The following TENM2 variants were observed in gnomAD, a reference collection of about 807,000 sequenced individuals.
TENM2 encodes the protein teneurin transmembrane protein 2, also known as teneurin-2.
A neutral mutation model predicts 245.2 loss-of-function variants in TENM2; 52 were observed. That is an observed-to-expected ratio of 0.21 (90% confidence interval 0.17 to 0.27). TENM2 has a LOEUF of 0.27. TENM2 is among the 10% of genes least tolerant of loss of function. The probability of loss-of-function intolerance (pLI) is 1.00; values close to 1 mark genes in which losing one functional copy is unlikely to be tolerated. For synonymous variants in TENM2, 1,363 were observed against 1,438.9 expected (o/e 0.95, Z 1.19); for missense variants, 3,046 against 3,666.8 (o/e 0.83, Z 4.37).
At chr5:167,111,554 C>T in the TENM2 span, among the ~76,000 whole-genome samples, 2 of 152,184 alleles carry the variant, frequency 1.3e-5, no homozygotes, top group African/African-American at 4.8e-5. Flanking sequence ...TTCTCCAAGT[C>T]CCTTCTCTAG....
At chr5:167,250,717 G>T in the TENM2 span, among the ~76,000 whole-genome samples, 7 of 152,122 alleles carry the variant, frequency 4.6e-5, no homozygotes, top group African/African-American at 1.7e-4. Context: ...GTCCTACTGA[G>T]ATGCTATTAT....
At chr5:167,302,540 G>C (rs1317671578) in intron 1 of TENM2, among the ~76,000 whole-genome samples, 1 of 151,918 alleles carries the variant, frequency 6.6e-6, no homozygotes, top group South Asian at 2.1e-4. Flanking sequence ...AAGGGATCAG[G>C]GTGCAGAGAT....
At chr5:167,090,894 A>G in the TENM2 span, among the ~76,000 whole-genome samples, 1 of 152,228 alleles carries the variant, frequency 6.6e-6, no homozygotes, top group South Asian at 2.1e-4. Flanking sequence ...CAGGCCCTTT[A>G]TAATGAAACC....
At chr5:167,702,006 A>C (rs553248509) in intron 2 of TENM2, among the ~76,000 whole-genome samples, 1 of 152,322 alleles carries the variant, frequency 6.6e-6, no homozygotes, top group South Asian at 2.1e-4. Context: ...CATCAGGCTT[A>C]TTCAATTCAA....
chr5:167,496,226 T>C (rs1768805415), intron 2 of TENM2, among the ~76,000 whole-genome samples: 1 of 152,092 alleles, frequency 6.6e-6, no homozygotes, highest in South Asian at 2.1e-4. Flanking sequence ...CCTCATTTAG[T>C]TCCCCGAACT....
intron 2 of TENM2, among the ~76,000 whole-genome samples, chr5:167,658,993 A>C (rs540620155): frequency 1.3e-5 from 2 of 152,354 alleles, no homozygotes; most frequent in African/African-American, 4.8e-5. Flanking sequence ...ATACATGCAC[A>C]GGCAAACATT....
chr5:167,458,486 C>CA (rs1466388818), intron 2 of TENM2, among the ~76,000 whole-genome samples: 371 of 35,222 alleles, frequency 0.011, no homozygotes, highest in Non-Finnish European at 0.02. Flanking sequence ...GACTCCGTCT[C>CA]AAAAAAACAA....
intron 2 of TENM2, among the ~76,000 whole-genome samples, chr5:167,545,240 C>T (rs576961143): frequency 9.2e-5 from 14 of 152,226 alleles, no homozygotes; most frequent in Non-Finnish European, 1.3e-4. Context: ...AAAGCTTACA[C>T]GAGGTGACAT....
chr5:167,931,562 A>C (rs1027295495), intron 3 of TENM2, among the ~76,000 whole-genome samples: 2 of 151,874 alleles, frequency 1.3e-5, no homozygotes, highest in South Asian at 2.1e-4. Flanking sequence ...AAAAAAAAAA[A>C]AAAAAAAAAC....
intron 2 of TENM2, among the ~76,000 whole-genome samples, chr5:167,584,331 G>A (rs6882356): frequency 0.022 from 3,318 of 152,284 alleles, 79 homozygotes; most frequent in East Asian, 0.072. Context: ...TGGTTACTTG[G>A]TTACATCCTA....
rs530303032 is a variant in TENM2, at chr5:167,886,649, G to A, written c.712+10454G>A. On this transcript the variant is annotated intron_variant, in intron 3 of 28. Coordinates refer to ENST00000518659, the Ensembl canonical transcript of TENM2. Reference sequence around the variant, plus strand: ...TGCTGCTGGGAAGGAAGAAATTGGCGGTGATAGAAGAAGATTGCTATTTTT... The same window carrying A: ...TGCTGCTGGGAAGGAAGAAATTGGCAGTGATAGAAGAAGATTGCTATTTTT... 6.2e-4 allele frequency among the ~76,000 whole-genome samples: 94 copies of A among 152,260 alleles called. 3 individuals are homozygous for A. In the South Asian group the frequency reaches 0.018, roughly 30 times the overall value.
the TENM2 span, among the ~76,000 whole-genome samples, chr5:167,279,602 AC>A: frequency 7.8e-6 from 1 of 127,462 alleles, no homozygotes; most frequent in Non-Finnish European, 1.6e-5. Context: ...GGTAATTTCT[AC>A]TGATTATTTG....
rs115827606 is a variant in TENM2 at position 167,454,003 on chromosome 5, G to A, written c.502+78530G>A. ...ATGAAAATGTGTATTTCAAGAATAC[G>A]CATGTCCCCCAGATTATAGTTTATC... On this transcript the variant is annotated intron_variant, in intron 2 of 28. Transcript: ENST00000518659. Among the ~76,000 whole-genome samples, 1,333 of 152,158 alleles carry A rather than the reference G, an allele frequency of 8.8e-3. 8 individuals are homozygous for A. The highest frequency in any genetic ancestry group is 0.014 in the Non-Finnish European group (982 of 67,992).
rs151080786 is a variant in TENM2, at chr5:167,746,042, A to G, written c.503-129944A>G. ...TAACTATGCTAATCACTTTAAACGT[A>G]TTATTTCCAGCCTTTGCAAAAACTG... On this transcript the variant is annotated intron_variant, in intron 2 of 28. Coordinates refer to ENST00000518659, the Ensembl canonical transcript of TENM2. 3.3e-3 allele frequency among the ~76,000 whole-genome samples: 504 copies of G among 152,304 alleles called. 2 individuals carry two copies. The highest frequency in any genetic ancestry group is 0.012 in the African/African-American group (484 of 41,574).
At chr5:167,641,430 TAAGGAA>T (rs1214130911) in intron 2 of TENM2, among the ~76,000 whole-genome samples, 1 of 152,054 alleles carries the variant, frequency 6.6e-6, no homozygotes, top group Non-Finnish European at 1.5e-5. Flanking sequence ...AGTGAGGAAG[TAAGGAA>T]CTTATCAAGA....
intron 2 of TENM2, among the ~76,000 whole-genome samples, chr5:167,455,346 T>G (rs931240031): frequency 3.3e-5 from 5 of 152,162 alleles, no homozygotes; most frequent in African/African-American, 4.8e-5. Flanking sequence ...AGGTATCTCA[T>G]GTCAATCCAA....
chr5:167,971,882 C>G (rs1278049267), intron 4 of TENM2, among the ~76,000 whole-genome samples: 1 of 152,202 alleles, frequency 6.6e-6, no homozygotes, highest in Non-Finnish European at 1.5e-5. Flanking sequence ...GAGAGTGAAG[C>G]TCAGAAAGTT....
chr5:167,614,886 G>A (rs539002149), intron 2 of TENM2, among the ~76,000 whole-genome samples: 21 of 152,214 alleles, frequency 1.4e-4, no homozygotes, highest in African/African-American at 4.1e-4. Flanking sequence ...AGGCAAGCAG[G>A]AAACCCTCCT....
At chr5:167,597,375 C>T (rs1776297317) in intron 2 of TENM2, among the ~76,000 whole-genome samples, 1 of 152,034 alleles carries the variant, frequency 6.6e-6, no homozygotes, top group South Asian at 2.1e-4. Context: ...CCATGTTGGC[C>T]AGGCTGGTCT....
Sources: allele counts gnomAD v4.1 joint callset (sites outside exome capture counted in the v4.1 genomes callset), GRCh38; gene constraint gnomAD v4.1.1; transcripts MANE v1.5; gene names NCBI Gene and HGNC (gene_info 2026-07-23, HGNC 2026-07-21).